EIF5B: variants seen among roughly 807,000 people sequenced by gnomAD.
EIF5B encodes eIF-5B.
A neutral mutation model predicts 147.5 loss-of-function variants in EIF5B; 47 were observed. That is an observed-to-expected ratio of 0.32 (90% confidence interval 0.25 to 0.41). EIF5B has a LOEUF of 0.41. EIF5B is among the 10% of genes least tolerant of loss of function. EIF5B has a pLI of 1.00. For missense variants in EIF5B, 1,064 were observed against 1,413.2 expected, an observed-to-expected ratio of 0.75 and a Z score of 3.96; for synonymous variants, 455 against 456.2, an observed-to-expected ratio of 1.00 and a Z score of 0.03.
intron 22 of EIF5B, 36 bp from the exon 23 acceptor site, chr2:99,398,712 C>A (rs1256360918): frequency 2.5e-6 from 4 of 1,582,428 alleles, no homozygotes; most frequent in Non-Finnish European, 3.4e-6. Context: ...GGCATGAATT[C>A]TTCTGCATGC....
intron 5 of EIF5B, among the ~76,000 whole-genome samples, 171 bp downstream of exon 5, chr2:99,364,033 T>G (rs903425436): frequency 5.9e-5 from 9 of 152,248 alleles, no homozygotes; most frequent in African/African-American, 2.2e-4. Context: ...CATCTTATCT[T>G]TATTTTCTCA....
chr2:99,370,469 T>C (rs4851203), intron 8 of EIF5B, among the ~76,000 whole-genome samples: 39,422 of 152,148 alleles, frequency 0.26, 5,260 homozygotes, highest in Admixed American at 0.34. Flanking sequence ...TTTTCTCTTC[T>C]GAGCGAATAG....
chr2:99,390,755 G>C (rs771554479), intron 17 of EIF5B, 50 bp downstream of exon 17: 1 of 1,537,800 alleles, frequency 6.5e-7, no homozygotes, highest in Admixed American at 1.9e-5. Flanking sequence ...ACAGTGTTTA[G>C]AAGTTCTGCT....
At chr2:99,382,992 T>G (rs1674723048) in intron 14 of EIF5B, 71 bp downstream of exon 14, 2 of 1,455,272 alleles carry the variant, frequency 1.4e-6, no homozygotes, top group Admixed American at 4.7e-5. Context: ...AAAAAAGTAG[T>G]ATAATTAACT....
intron 17 of EIF5B, 45 bp from the exon 18 acceptor site, chr2:99,392,922 C>T: frequency 7.3e-7 from 1 of 1,363,078 alleles, no homozygotes. Context: ...CTACTGCTAA[C>T]CACTTTTAAA....
At chr2:99,377,893 G>A (rs895543562) in intron 10 of EIF5B, among the ~76,000 whole-genome samples, 4 of 152,278 alleles carry the variant, frequency 2.6e-5, no homozygotes, top group Admixed American at 2.6e-4. Flanking sequence ...AATGGGGTTT[G>A]TATTCTTGTC....
intron 1 of EIF5B, among the ~76,000 whole-genome samples, chr2:99,348,483 A>C (rs995350115): frequency 9.9e-5 from 15 of 152,168 alleles, no homozygotes; most frequent in Non-Finnish European, 2.1e-4. Flanking sequence ...TGATGATCAA[A>C]GATGTTCTGG....
chr2:99,337,657 G>C (rs559285704), intron 1 of EIF5B, 68 bp downstream of exon 1: 2 of 1,532,294 alleles, frequency 1.3e-6, no homozygotes, highest in African/African-American at 2.8e-5. Flanking sequence ...GTCTCGCCGG[G>C]CGCGGCGTCG....
Position 99,379,022 on chromosome 2 carries a change from C to T in EIF5B, c.1846C>T (p.Arg616Trp), listed in dbSNP as rs749277337. 1.5e-5 allele frequency: 23 copies of T among 1,491,186 alleles called. No homozygotes were observed. The highest frequency in any genetic ancestry group is 7.3e-5 in the South Asian group (5 of 68,718). The allele number at this position is 1,491,186 out of a possible 1,614,324, so 92.4% of individuals were successfully genotyped here. Residue 616 changes from arginine (R) to tryptophan (W), a missense_variant, in exon 11 of 24, where the codon CGG becomes TGG. By Grantham distance (101) the Arg-to-Trp change is moderately radical. Transcript: ENST00000289371. ...YDKAKRRIEK[R>W]RLEHSKNVNT... ...TTTTTTTTTTTTTTATTTCTAGAAA[C>T]GGCGACTTGAACATAGTAAAAATGT...
intron 1 of EIF5B, among the ~76,000 whole-genome samples, chr2:99,353,493 A>G (rs899071407): frequency 2.0e-5 from 3 of 152,146 alleles, no homozygotes; most frequent in Admixed American, 6.5e-5. Context: ...CAATCCACTG[A>G]TTATATTCAG....
intron 1 of EIF5B, among the ~76,000 whole-genome samples, chr2:99,347,100 G>T (rs1353549326): frequency 6.6e-6 from 1 of 151,900 alleles, no homozygotes; most frequent in Non-Finnish European, 1.5e-5. Flanking sequence ...TGATCTCCTG[G>T]GCTTAAGTGA....
chr2:99,339,783 T>G (rs1476678787), intron 1 of EIF5B, among the ~76,000 whole-genome samples: 1 of 152,202 alleles, frequency 6.6e-6, no homozygotes, highest in Non-Finnish European at 1.5e-5. Context: ...AGTGAGTGTC[T>G]CATTGATTTA....
intron 14 of EIF5B, among the ~76,000 whole-genome samples, chr2:99,387,865 C>T (rs1026590110): frequency 2.0e-5 from 3 of 151,976 alleles, no homozygotes; most frequent in African/African-American, 4.8e-5. Flanking sequence ...TAAATAGAGA[C>T]GAGGTCTGTG....
At chr2:99,358,888 A>G (rs1024179186) in intron 1 of EIF5B, among the ~76,000 whole-genome samples, 6 of 152,180 alleles carry the variant, frequency 3.9e-5, no homozygotes, top group African/African-American at 1.2e-4. Flanking sequence ...CTGGCCAACT[A>G]TTTATAAAAG....
intron 4 of EIF5B, 27 bp from the exon 5 acceptor site, chr2:99,363,618 A>G (rs759374647): frequency 5.1e-5 from 80 of 1,563,850 alleles, no homozygotes; most frequent in Middle Eastern, 1.9e-4. Context: ...TTTCATTTCA[A>G]TGCTTTGCCT....
rs760202577 is a variant in EIF5B, at chr2:99,364,390, C to G, written c.1257C>G (p.Ala419=). ...CCCAGAGAGAAGCCAGAGCCAGAGC[C>G]GAAGCTACTCTTAAACTGCTACAAG... ...TKSQREARAR[A]EATLKLLQAQ... Residue 419 remains alanine (A), a synonymous_variant, in exon 6 of 24, where the codon GCC becomes GCG. Transcript: ENST00000289371. 1.2e-6 allele frequency: 2 copies of G among 1,606,904 alleles called. No homozygotes were observed. The highest frequency in any genetic ancestry group is 1.1e-5 in the South Asian group (1 of 89,366).
At chr2:99,360,095 T>A (rs1248296681) in intron 1 of EIF5B, 141 bp from the exon 2 acceptor site, 7 of 953,166 alleles carry the variant, frequency 7.3e-6, no homozygotes, top group Non-Finnish European at 1.0e-5. Flanking sequence ...ATGTAACTTG[T>A]GTTGTAATGA....
At chr2:99,369,803 C>T (rs1674407132) in intron 8 of EIF5B, among the ~76,000 whole-genome samples, 1 of 152,130 alleles carries the variant, frequency 6.6e-6, no homozygotes, top group Admixed American at 6.5e-5. Context: ...GGTGAAACTC[C>T]ATCTCTACTA....
chr2:99,382,046 T>A (rs1401640748), intron 12 of EIF5B, 113 bp from the exon 13 acceptor site: 1 of 758,720 alleles, frequency 1.3e-6, no homozygotes, highest in Non-Finnish European at 2.1e-6. Context: ...AAGCCATTTA[T>A]ATGGAAAAGG....
Sources: allele counts gnomAD v4.1 joint callset (sites outside exome capture counted in the v4.1 genomes callset), GRCh38; gene constraint gnomAD v4.1.1; transcripts MANE v1.5; gene names NCBI Gene and HGNC (gene_info 2026-07-23, HGNC 2026-07-21).